The following PTPRD variants were observed in gnomAD, a reference collection of about 807,000 sequenced individuals.
PTPRD encodes the protein receptor-type tyrosine-protein phosphatase delta.
Under a neutral mutation model 214.5 loss-of-function variants are expected in PTPRD, and 34 were observed. The ratio of observed to expected loss-of-function variants is 0.16; its 90% confidence interval spans 0.12 to 0.21. The LOEUF is 0.21. PTPRD is among the 10% of genes least tolerant of loss of function. The pLI, the probability that PTPRD is intolerant of heterozygous loss-of-function variation, is 1.00. For missense variants in PTPRD, 2,545 were observed against 2,398.7 expected, an observed-to-expected ratio of 1.06 and a Z score of -1.27; for synonymous variants, 1,128 against 845.7, an observed-to-expected ratio of 1.33 and a Z score of -5.79.
At chr9:9,055,113 A>C (rs917322254) in intron 10 of PTPRD, among the ~76,000 whole-genome samples, 6 of 152,178 alleles carry the variant, frequency 3.9e-5, no homozygotes, top group Non-Finnish European at 7.4e-5. Context: ...TAAAACTGCT[A>C]ATACAAATAA....
chr9:8,771,180 CA>C (rs35840345), intron 11 of PTPRD, among the ~76,000 whole-genome samples: 9 of 141,056 alleles, frequency 6.4e-5, no homozygotes, highest in Non-Finnish European at 4.5e-5. Context: ...GATTCCGTCT[CA>C]AAAAAAAAAA....
At chr9:9,505,229 G>GAC (rs1220067314) in intron 8 of PTPRD, among the ~76,000 whole-genome samples, 2 of 151,486 alleles carry the variant, frequency 1.3e-5, no homozygotes, top group Non-Finnish European at 3.0e-5. Context: ...TTTCATTTAG[G>GAC]ACTAGAGCAG....
intron 10 of PTPRD, among the ~76,000 whole-genome samples, chr9:9,156,335 C>G (rs2099881170): frequency 6.6e-6 from 1 of 151,086 alleles, no homozygotes. Flanking sequence ...CATTTTCTAC[C>G]TTCCAAGATA....
chr9:8,786,069 G>A (rs1440905717), intron 11 of PTPRD, among the ~76,000 whole-genome samples: 2 of 150,118 alleles, frequency 1.3e-5, no homozygotes, highest in African/African-American at 5.0e-5. Flanking sequence ...GTGTGTGTGT[G>A]TACCTCATAC....
chr9:10,245,049 C>G (rs1298467992), intron 3 of PTPRD, among the ~76,000 whole-genome samples: 1 of 152,042 alleles, frequency 6.6e-6, no homozygotes, highest in Non-Finnish European at 1.5e-5. Flanking sequence ...TCTAATTTCT[C>G]AAACAGAAAT....
At chr9:9,370,225 G>C (rs2059084912) in intron 9 of PTPRD, among the ~76,000 whole-genome samples, 2 of 152,090 alleles carry the variant, frequency 1.3e-5, no homozygotes, top group African/African-American at 4.8e-5. Context: ...TCACGATATT[G>C]ATTCCTCCTA....
At chr9:10,330,066 GC>G (rs1424480439) in intron 3 of PTPRD, among the ~76,000 whole-genome samples, 1 of 151,586 alleles carries the variant, frequency 6.6e-6, no homozygotes, top group Non-Finnish European at 1.5e-5. Context: ...TGAAAATTGT[GC>G]TTTTTTTATT....
chr9:10,127,000 T>G (rs2098825219), intron 3 of PTPRD, among the ~76,000 whole-genome samples: 1 of 151,780 alleles, frequency 6.6e-6, no homozygotes, highest in Admixed American at 6.6e-5. Flanking sequence ...ACATTTCATT[T>G]CTGGGTAACA....
At position 8,752,206 on chromosome 9, in the gene PTPRD, G is replaced by T. The variant is rs1002023641; in HGVS notation, c.-103-18260C>A. 6.6e-5 allele frequency among the ~76,000 whole-genome samples: 10 copies of T among 152,078 alleles called. No individual in the cohort carries two copies. The East Asian group carries it at 1.9e-3, about 29-fold the overall frequency. On this transcript the variant is annotated intron_variant, in intron 11 of 45. Coordinates refer to ENST00000381196, the MANE Select transcript of PTPRD (RefSeq NM_002839.4). ...AGTCACAGGATGAGATAGGAGGTCC[G>T]CACAAGATACAGGTCATAAAGATCT... is the stretch of plus-strand genomic sequence containing the variant.
At chr9:9,565,792 G>T (rs1432969448) in intron 8 of PTPRD, among the ~76,000 whole-genome samples, 1 of 151,790 alleles carries the variant, frequency 6.6e-6, no homozygotes, top group African/African-American at 2.4e-5. Context: ...ATTAAACTTT[G>T]GCCCCGTTTC....
intron 7 of PTPRD, among the ~76,000 whole-genome samples, chr9:9,617,801 G>A (rs563842471): frequency 6.8e-4 from 103 of 151,812 alleles, no homozygotes; most frequent in Middle Eastern, 3.4e-3. Flanking sequence ...GGCCCGGCGC[G>A]GTGGCTCATG....
intron 11 of PTPRD, among the ~76,000 whole-genome samples, chr9:8,758,909 T>C (rs1294075362): frequency 6.6e-6 from 1 of 152,124 alleles, no homozygotes; most frequent in Non-Finnish European, 1.5e-5. Context: ...ATGGTCTCGA[T>C]CTCCTGACCT....
intron 4 of PTPRD, among the ~76,000 whole-genome samples, chr9:9,980,618 C>T (rs7034500): frequency 4.3e-5 from 1 of 23,274 alleles, no homozygotes; most frequent in Non-Finnish European, 8.0e-5. Context: ...CAAAAAAAAA[C>T]AAAAAAAAAA....
intron 39 of PTPRD, among the ~76,000 whole-genome samples, chr9:8,350,356 A>C (rs938736522): frequency 6.6e-6 from 1 of 152,202 alleles, no homozygotes; most frequent in African/African-American, 2.4e-5. Context: ...GTGCCAAGAC[A>C]GTAAAATATG....
chr9:10,436,678 T>C (rs558550268), intron 2 of PTPRD, among the ~76,000 whole-genome samples: 32 of 151,892 alleles, frequency 2.1e-4, no homozygotes, highest in African/African-American at 7.7e-4. Flanking sequence ...TTGAAATAAG[T>C]TCTAATCAAT....
At chr9:9,851,112 T>A (rs2060472878) in intron 5 of PTPRD, among the ~76,000 whole-genome samples, 1 of 152,170 alleles carries the variant, frequency 6.6e-6, no homozygotes, top group South Asian at 2.1e-4. Flanking sequence ...GAAATGAAAT[T>A]GTGAAGTTAA....
intron 2 of PTPRD, among the ~76,000 whole-genome samples, chr9:10,374,075 A>G (rs1205229172): frequency 1.3e-5 from 2 of 152,084 alleles, no homozygotes; most frequent in Non-Finnish European, 2.9e-5. Context: ...TGAGATAGAT[A>G]AAGTAGTTAT....
intron 11 of PTPRD, among the ~76,000 whole-genome samples, chr9:8,940,417 G>A (rs1306063820): frequency 6.8e-6 from 1 of 146,774 alleles, no homozygotes; most frequent in African/African-American, 2.5e-5. Flanking sequence ...CGAGAAGCTG[G>A]GATTACAGGC....
intron 5 of PTPRD, among the ~76,000 whole-genome samples, chr9:9,928,613 T>C (rs939127840): frequency 2.0e-5 from 3 of 152,128 alleles, no homozygotes; most frequent in Admixed American, 6.5e-5. Flanking sequence ...GAAAAATCCA[T>C]TACTACTGTT....
Sources: gnomAD v4.1 joint callset for allele counts (sites outside exome capture counted in the v4.1 genomes callset) on GRCh38, gnomAD v4.1.1 for gene constraint, MANE v1.5 for transcripts, NCBI Gene and HGNC (gene_info 2026-07-23, HGNC 2026-07-21) for gene names.